Variants in ELP4 observed in about 807,000 individuals in gnomAD.
ELP4 encodes the protein elongator acetyltransferase complex subunit 4.
A neutral mutation model predicts 48.9 loss-of-function variants in ELP4; 51 were observed. The ratio of observed to expected loss-of-function variants is 1.04; its 90% CI spans 0.83 to 1.32. The LOEUF is 1.32. Among genes scored for constraint, ELP4 ranks in the 40% most tolerant of loss-of-function variants. The pLI is 0.00. For missense variants in ELP4, 519 were observed against 514.6 expected, an observed-to-expected ratio of 1.01 and a Z score of -0.08; for synonymous variants, 210 against 189.2, an observed-to-expected ratio of 1.11 and a Z score of -0.90.
At chr11:31,713,398 A>G (rs1946781164) in intron 9 of ELP4, among the ~76,000 whole-genome samples, 2 of 152,192 alleles carry the variant, frequency 1.3e-5, no homozygotes, top group Admixed American at 1.3e-4. Flanking sequence ...GAAATATGCT[A>G]ACAAGGAATT....
chr11:31,773,710 A>T (rs1452579092), intron 9 of ELP4, among the ~76,000 whole-genome samples: 3 of 152,210 alleles, frequency 2.0e-5, no homozygotes, highest in Non-Finnish European at 4.4e-5. Context: ...CAGCAGTGAG[A>T]TAGCTCTTGT....
chr11:31,737,053 A>G (rs1947336032), intron 9 of ELP4, among the ~76,000 whole-genome samples: 1 of 152,220 alleles, frequency 6.6e-6, no homozygotes, highest in Non-Finnish European at 1.5e-5. Flanking sequence ...AATAGCAAAG[A>G]CTTGGAACCA....
At chr11:31,612,873 A>T (rs757811634) in intron 5 of ELP4, among the ~76,000 whole-genome samples, 51 of 152,180 alleles carry the variant, frequency 3.4e-4, no homozygotes, top group Non-Finnish European at 6.8e-4. Flanking sequence ...TTTGTTTGTT[A>T]GTTTCATTTT....
chr11:31,510,351 T>C, intron 1 of ELP4: 1 of 473,824 alleles, frequency 2.1e-6, no homozygotes. Flanking sequence ...TCAGGATACC[T>C]CCCTTCTGCT....
intron 9 of ELP4, among the ~76,000 whole-genome samples, chr11:31,727,155 GT>G (rs541135900): frequency 1.2e-3 from 179 of 145,184 alleles, no homozygotes; most frequent in Middle Eastern, 3.6e-3. Context: ...TATTTTTACA[GT>G]TTTTTTTTTT....
At chr11:31,527,347 A>G (rs889267693) in intron 2 of ELP4, among the ~76,000 whole-genome samples, 6 of 152,198 alleles carry the variant, frequency 3.9e-5, no homozygotes, top group Admixed American at 1.3e-4. Flanking sequence ...ACATCGCTAC[A>G]TATATAGGAT....
chr11:31,645,399 G>A (rs568516827), intron 7 of ELP4, among the ~76,000 whole-genome samples: 9 of 151,806 alleles, frequency 5.9e-5, no homozygotes, highest in Admixed American at 2.0e-4. Flanking sequence ...AAGATTAAAT[G>A]AAAGAAGTAA....
rs200769321 is a variant in ELP4 at position 31,594,853 on chromosome 11, T to C, written c.465T>C (p.Asn155=). The C allele has an allele frequency of 3.2e-6, 5 of 1,567,036 alleles. No homozygotes were observed. Among genetic ancestry groups the C allele is most frequent in the Non-Finnish European group, 4.3e-6 (5 of 1,163,316 alleles). The change falls in exon 4 of 10, where the codon AAT becomes AAC. Residue 155 remains asparagine, a synonymous_variant. Coordinates refer to ENST00000640961, the MANE Select transcript of ELP4 (RefSeq NM_019040.5). ...DVYNHKTPES[N]IKMKIAWRYQ... ...ACAATCATAAAACACCAGAATCTAA[T>C]ATTAAGATGAAAATAGCTTGGCGTT...
intron 3 of ELP4, among the ~76,000 whole-genome samples, chr11:31,574,093 G>C (rs771140699): frequency 6.6e-6 from 1 of 152,164 alleles, no homozygotes; most frequent in Non-Finnish European, 1.5e-5. Flanking sequence ...CACAAATGAG[G>C]TATTTTTTGT....
chr11:31,670,694 G>A (rs931464024), intron 9 of ELP4, among the ~76,000 whole-genome samples: 8 of 151,994 alleles, frequency 5.3e-5, no homozygotes, highest in Admixed American at 3.3e-4. Context: ...AGGCTTTTGC[G>A]TTGCCCACAG....
intron 3 of ELP4, among the ~76,000 whole-genome samples, chr11:31,574,141 A>T (rs555405287): frequency 6.6e-6 from 1 of 152,232 alleles, no homozygotes; most frequent in Non-Finnish European, 1.5e-5. Context: ...CTAAAATCTT[A>T]TTCTAGAAAT....
intron 5 of ELP4, among the ~76,000 whole-genome samples, chr11:31,619,036 G>T (rs1944557943): frequency 6.6e-6 from 1 of 152,090 alleles, no homozygotes; most frequent in Admixed American, 6.6e-5. Flanking sequence ...GTAAGGAGAG[G>T]ATTGGAGGCA....
intron 3 of ELP4, among the ~76,000 whole-genome samples, chr11:31,572,654 C>A (rs905876172): frequency 5.3e-5 from 8 of 152,066 alleles, no homozygotes; most frequent in African/African-American, 1.9e-4. Context: ...TTTACACATT[C>A]TTTTTATTGA....
chr11:31,724,545 A>G (rs1947034781), intron 9 of ELP4, among the ~76,000 whole-genome samples: 1 of 152,266 alleles, frequency 6.6e-6, no homozygotes, highest in Admixed American at 6.5e-5. Context: ...ATCACCAACA[A>G]GACAGATCCT....
intron 9 of ELP4, among the ~76,000 whole-genome samples, chr11:31,761,063 T>G (rs1947935214): frequency 6.6e-6 from 1 of 152,216 alleles, no homozygotes; most frequent in Admixed American, 6.5e-5. Flanking sequence ...TTCAGAAATT[T>G]TATCAACTCA....
At chr11:31,547,212 G>C (rs370339545) in intron 3 of ELP4, among the ~76,000 whole-genome samples, 8 of 152,002 alleles carry the variant, frequency 5.3e-5, no homozygotes, top group Non-Finnish European at 1.2e-4. Flanking sequence ...TTTTTTGAAA[G>C]GATCAACAAA....
At chr11:31,712,536 A>C (rs1239790154) in intron 9 of ELP4, among the ~76,000 whole-genome samples, 2 of 152,150 alleles carry the variant, frequency 1.3e-5, no homozygotes, top group Admixed American at 1.3e-4. Flanking sequence ...TTGATAAATA[A>C]GTACATTTAA....
rs541944057 is a variant in ELP4 at position 31,513,588 on chromosome 11, T to C, written c.223+3581T>C. Among the ~76,000 whole-genome samples, 3 of 152,308 alleles carry C rather than the reference T, an allele frequency of 2.0e-5. No individual in the cohort carries two copies. The East Asian group carries it at 5.8e-4, about 29-fold the overall frequency. Reference sequence around the variant, plus strand: ...TATCTTTCTTGACTTTCATTTCTTTTCCCTTTTACTTTCTCTAACATTGAA... The same window carrying C: ...TATCTTTCTTGACTTTCATTTCTTTCCCCTTTTACTTTCTCTAACATTGAA... On this transcript the variant is annotated intron_variant, in intron 1 of 9. Coordinates refer to ENST00000640961, the MANE Select transcript of ELP4 (RefSeq NM_019040.5).
At chr11:31,545,946 T>A (rs1434510685) in intron 3 of ELP4, among the ~76,000 whole-genome samples, 2 of 152,086 alleles carry the variant, frequency 1.3e-5, no homozygotes, top group African/African-American at 2.4e-5. Context: ...AGGGATTTTG[T>A]CACCACCAGG....
Sources: gnomAD v4.1 joint callset for allele counts (sites outside exome capture counted in the v4.1 genomes callset) on GRCh38, gnomAD v4.1.1 for gene constraint, MANE v1.5 for transcripts, NCBI Gene and HGNC (gene_info 2026-07-23, HGNC 2026-07-21) for gene names.